Variants in HMCN2 observed in about 807,000 individuals in gnomAD.
HMCN2 encodes hemicentin 2.
In HMCN2, 325 loss-of-function variants were observed where a neutral mutation model predicts 377.5. The observed-to-expected ratio is 0.86, with a 90% confidence interval of 0.79 to 0.94. The LOEUF is 0.94. Among genes scored for constraint, HMCN2 ranks in the 40% least tolerant of loss-of-function variants. The pLI is 0.00. For synonymous variants in HMCN2, 2,007 were observed against 2,046.8 expected, an observed-to-expected ratio of 0.98 and a Z score of 0.53; for missense variants, 4,543 against 4,725.3, an observed-to-expected ratio of 0.96 and a Z score of 1.13.
At chr9:130,389,452 G>A (rs540376466) in intron 62 of HMCN2, among the ~76,000 whole-genome samples, 1 of 152,150 alleles carries the variant, frequency 6.6e-6, no homozygotes, top group Non-Finnish European at 1.5e-5. Context: ...TGTCTCTGTG[G>A]ATTGGCCTGT....
At chr9:130,398,140 A>C (rs1390782384) in intron 74 of HMCN2, among the ~76,000 whole-genome samples, 2 of 137,900 alleles carry the variant, frequency 1.5e-5, no homozygotes, top group Non-Finnish European at 3.1e-5. Context: ...GTGACAGAGT[A>C]AGACTCCGTC....
chr9:130,296,125 G>C (rs1348312819), intron 6 of HMCN2, among the ~76,000 whole-genome samples: 1 of 152,112 alleles, frequency 6.6e-6, no homozygotes, highest in African/African-American at 2.4e-5. Flanking sequence ...AGGAAGAGGA[G>C]GGCCCTGCTA....
At chr9:130,362,760 C>T in intron 39 of HMCN2, 107 bp from the exon 40 acceptor site, 2 of 875,814 alleles carry the variant, frequency 2.3e-6, no homozygotes, top group Non-Finnish European at 2.7e-6. Flanking sequence ...GGCAGGCTGT[C>T]CAGGCGTGCT....
chr9:130,380,323 C>A (rs1038289415), intron 54 of HMCN2, among the ~76,000 whole-genome samples: 5 of 152,082 alleles, frequency 3.3e-5, no homozygotes, highest in Non-Finnish European at 7.4e-5. Context: ...CTTAGAAATG[C>A]CCGGCCCACC....
At chr9:130,345,235 G>A (rs1839315930) in intron 25 of HMCN2, among the ~76,000 whole-genome samples, 1 of 149,474 alleles carries the variant, frequency 6.7e-6, no homozygotes, top group Admixed American at 6.7e-5. Context: ...TGTGTAGTGT[G>A]TATGTTGTGT....
intron 27 of HMCN2, 34 bp from the exon 28 acceptor site, chr9:130,348,950 C>G: frequency 7.7e-7 from 1 of 1,296,702 alleles, no homozygotes; most frequent in South Asian, 1.2e-5. Flanking sequence ...GCTGGATCCC[C>G]TCTTACTGGC....
chr9:130,376,444 C>A (rs1209625503), intron 51 of HMCN2, 72 bp from the exon 52 acceptor site: 18 of 604,716 alleles, frequency 3.0e-5, no homozygotes, highest in Non-Finnish European at 3.7e-5. Context: ...AGGCTACCCC[C>A]AGGACCAGGG....
At position 130,271,840 on chromosome 9, in the gene HMCN2, A is replaced by T. The variant is rs139032888; in HGVS notation, c.259+5703A>T. 3.4e-4 allele frequency among the ~76,000 whole-genome samples: 51 copies of T among 149,380 alleles called. 2 individuals carry two copies. The East Asian group carries it at 9.3e-3, about 27-fold the overall frequency. Reference sequence around the variant, plus strand: ...TGTTGTATATATAACCTGTGTTTGTACTTGTATCTATACATAGTTTTATAT... The same window carrying T: ...TGTTGTATATATAACCTGTGTTTGTTCTTGTATCTATACATAGTTTTATAT... On this transcript the variant is annotated intron_variant, in intron 1 of 97. Transcript: ENST00000683500.
In HMCN2 at chr9:130,399,552, C is replaced by G. The variant is rs1305519097; in HGVS notation, c.11525C>G (p.Pro3842Arg). ...GCCCTGCTCCTCACGGCCCCCGGCC[C>G]CCAGGACTCAGCCCAGTTTGAATGC... ...SNALLLTAPGPQDSAQFECVV... is the reference protein window; with the variant it reads ...SNALLLTAPGRQDSAQFECVV... Residue 3842 changes from proline to arginine, a missense_variant, in exon 76 of 98, where the codon CCC becomes CGC. Physicochemically the swap from Pro to Arg is moderately radical, Grantham distance 103. Around this residue, in one of 5 missense-constraint regions of HMCN2, gnomAD observed 1,073 missense variants for 1,319.5 expected, o/e 0.81. Coordinates refer to ENST00000683500, the MANE Select transcript of HMCN2 (RefSeq NM_001291815.2). 1 of 1,289,688 alleles carries G rather than the reference C, an allele frequency of 7.8e-7. No homozygotes were observed. The highest frequency in any genetic ancestry group is 2.3e-5 in the Admixed American group (1 of 43,570). 79.9% of individuals were successfully genotyped at this position (1,289,688 alleles called of 1,614,324 possible).
chr9:130,281,271 G>A (rs1330039003), intron 1 of HMCN2, among the ~76,000 whole-genome samples: 1 of 152,144 alleles, frequency 6.6e-6, no homozygotes, highest in African/African-American at 2.4e-5. Flanking sequence ...CTTATTGGCT[G>A]TGTGTCATTG....
At chr9:130,277,838 TCATCATCAC>T (rs1834815535) in intron 1 of HMCN2, among the ~76,000 whole-genome samples, 1 of 27,122 alleles carries the variant, frequency 3.7e-5, no homozygotes, top group Non-Finnish European at 7.1e-5. Flanking sequence ...ACCACCATCA[TCATCATCAC>T]CACCACCACC....
chr9:130,376,823 G>T (rs1283340253), intron 52 of HMCN2, among the ~76,000 whole-genome samples, 165 bp downstream of exon 52: 1 of 152,106 alleles, frequency 6.6e-6, no homozygotes, highest in Non-Finnish European at 1.5e-5. Flanking sequence ...TTGAGATGGA[G>T]TGTTGCTCTG....
At chr9:130,313,099 G>C (rs1837354781) in intron 15 of HMCN2, among the ~76,000 whole-genome samples, 1 of 145,844 alleles carries the variant, frequency 6.9e-6, no homozygotes, top group East Asian at 1.9e-4. Context: ...TTAACTTTAG[G>C]TCAGGGAAGG....
chr9:130,389,083 G>A (rs1228718952), intron 62 of HMCN2, among the ~76,000 whole-genome samples: 2 of 152,198 alleles, frequency 1.3e-5, no homozygotes, highest in African/African-American at 2.4e-5. Context: ...AAGGTCTGAA[G>A]GTACAGCTCG....
intron 53 of HMCN2, 75 bp from the exon 54 acceptor site, chr9:130,379,174 G>A (rs1033822796): frequency 4.0e-5 from 17 of 428,648 alleles, no homozygotes; most frequent in East Asian, 1.6e-4. Context: ...AGGCTGGGAC[G>A]AGAATCTCCG....
At chr9:130,296,259 T>C (rs1330122513) in intron 6 of HMCN2, among the ~76,000 whole-genome samples, 1 of 152,218 alleles carries the variant, frequency 6.6e-6, no homozygotes, top group African/African-American at 2.4e-5. Context: ...AAACATTTAT[T>C]GAGCACCTTC....
chr9:130,290,279 A>C (rs1049976726), intron 4 of HMCN2, among the ~76,000 whole-genome samples: 16 of 152,138 alleles, frequency 1.1e-4, no homozygotes, highest in African/African-American at 3.9e-4. Context: ...TCAGCCCCCC[A>C]ACTCCCAAGT....
intron 1 of HMCN2, among the ~76,000 whole-genome samples, chr9:130,277,832 CCAT>C (rs1173636209): frequency 0.43 from 9,367 of 21,850 alleles, 2,908 homozygotes; most frequent in East Asian, 0.76. Flanking sequence ...ATCACCACCA[CCAT>C]CATCATCATC....
intron 62 of HMCN2, among the ~76,000 whole-genome samples, chr9:130,389,938 A>G (rs1051839051): frequency 1.3e-5 from 2 of 151,960 alleles, no homozygotes; most frequent in Admixed American, 6.5e-5. Context: ...TGAATATTCC[A>G]TTGTGTGGCT....
Sources: allele counts gnomAD v4.1 joint callset (sites outside exome capture counted in the v4.1 genomes callset), GRCh38; gene constraint gnomAD v4.1.1; regional missense constraint gnomAD v4.1.1; transcripts MANE v1.5; gene names NCBI Gene and HGNC (gene_info 2026-07-23, HGNC 2026-07-21).